Variants in ACYP1 observed in about 807,000 individuals in gnomAD.
ACYP1 encodes acylphosphatase-1.
In ACYP1, 8 loss-of-function variants were observed where a neutral mutation model predicts 10.4. That is an observed-to-expected ratio of 0.77 (90% CI 0.45 to 1.38). The LOEUF (loss-of-function observed/expected upper bound fraction) is 1.38. Ranked by LOEUF, ACYP1 falls within the 40% of genes most tolerant of loss-of-function variation. ACYP1 has a pLI of 0.00. For missense variants in ACYP1, 93 were observed against 117.3 expected (o/e 0.79, Z 0.96); for synonymous variants, 38 against 40.8 (o/e 0.93, Z 0.26).
chr14:75,057,988 A>AAAAAAAAC (rs59726466), intron 2 of ACYP1, among the ~76,000 whole-genome samples: 1 of 147,118 alleles, frequency 6.8e-6, no homozygotes, highest in African/African-American at 2.5e-5. Flanking sequence ...AAAAAAAAAA[A>AAAAAAAAC]GAACTACCTG....
intron 1 of ACYP1, among the ~76,000 whole-genome samples, 182 bp from the exon 2 acceptor site, chr14:75,063,743 G>C (rs1414376893): frequency 6.6e-6 from 1 of 152,154 alleles, no homozygotes; most frequent in Non-Finnish European, 1.5e-5. Context: ...GGAAGAACCA[G>C]ACGCCGGGAG....
upstream of ACYP1, chr14:75,064,084 C>A: frequency 1.0e-6 from 1 of 968,830 alleles, no homozygotes; most frequent in Non-Finnish European, 1.2e-6. Flanking sequence ...TCATGCCCAT[C>A]ACCTCCAGCT....
intron 2 of ACYP1, among the ~76,000 whole-genome samples, chr14:75,059,496 T>C (rs1892966602): frequency 6.6e-6 from 1 of 152,198 alleles, no homozygotes; most frequent in Non-Finnish European, 1.5e-5. Flanking sequence ...TCACAGACAC[T>C]ATCAAGAAAT....
intron 2 of ACYP1, chr14:75,060,407 T>G (rs1421087523): frequency 3.9e-6 from 2 of 515,748 alleles, no homozygotes; most frequent in Non-Finnish European, 6.8e-6. Context: ...ATGGTATAGC[T>G]ACTTTGGAAA....
At chr14:75,057,735 G>A (rs980641428) in intron 2 of ACYP1, among the ~76,000 whole-genome samples, 2 of 150,796 alleles carry the variant, frequency 1.3e-5, no homozygotes, top group African/African-American at 2.5e-5. Context: ...TTGGGAGGCC[G>A]AGGTGGGGGG....
At chr14:75,054,443 CTG>C (rs1195414405) in intron 2 of ACYP1, among the ~76,000 whole-genome samples, 2 of 151,530 alleles carry the variant, frequency 1.3e-5, no homozygotes, top group African/African-American at 2.4e-5. Context: ...TTTTATTAAA[CTG>C]TGGCAAGACT....
chr14:75,058,615 T>C (rs1186973311), intron 2 of ACYP1, among the ~76,000 whole-genome samples: 1 of 151,180 alleles, frequency 6.6e-6, no homozygotes, highest in Non-Finnish European at 1.5e-5. Flanking sequence ...GGGGATCAAA[T>C]TTCAACATGA....
rs1304856931 is a variant in ACYP1, at chr14:75,053,651, A to C, written c.93T>G (p.Gly31=). 6.2e-7 allele frequency: 1 copy of C among 1,613,930 alleles called. No individual in the cohort carries two copies. Among genetic ancestry groups the C allele is most frequent in the African/African-American group, 1.3e-5 (1 of 74,872 alleles). ...CCCAGCCTACCAATCCCAGCTTTTTACCCTCAGCCTAAGGGGGGTAAAAAG... is the reference window on the plus strand; with the variant it reads ...CCCAGCCTACCAATCCCAGCTTTTTCCCCTCAGCCTAAGGGGGGTAAAAAG... The part of the protein sequence containing the change: ...VFFRKHTQAE[G]KKLGLVGWVQ... Residue 31 remains glycine, a synonymous_variant, in exon 3 of 3, where the codon GGT becomes GGG. Coordinates refer to ENST00000238618, the MANE Select transcript of ACYP1 (RefSeq NM_001107.5).
chr14:75,061,564 G>A (rs1893016308), intron 2 of ACYP1: 1 of 486,004 alleles, frequency 2.1e-6, no homozygotes, highest in Non-Finnish European at 3.5e-6. Context: ...CTTTAAACTG[G>A]GGAGAGGGGC....
At chr14:75,067,410 G>GA (rs1202622367), upstream of ACYP1, among the ~76,000 whole-genome samples, 1 of 152,138 alleles carries the variant, frequency 6.6e-6, no homozygotes, top group Non-Finnish European at 1.5e-5. Flanking sequence ...TGAGTAGGCT[G>GA]AAAAAATGAA....
At chr14:75,063,852 A>G in intron 1 of ACYP1, 102 bp downstream of exon 1, 1 of 871,018 alleles carries the variant, frequency 1.1e-6, no homozygotes, top group East Asian at 6.2e-5. Flanking sequence ...CCGCTCCCTC[A>G]CTACCAGAAT....
At chr14:75,054,238 C>CTGGATTTCCTACCTCACATCA (rs1265385915) in intron 2 of ACYP1, among the ~76,000 whole-genome samples, 2 of 151,912 alleles carry the variant, frequency 1.3e-5, no homozygotes, top group African/African-American at 4.9e-5. Context: ...TATGTTGTAG[C>CTGGATTTCCTACCTCACATCA]CAAAGCCCAC....
upstream of ACYP1, among the ~76,000 whole-genome samples, chr14:75,065,709 T>A (rs1234354959): frequency 6.6e-6 from 1 of 151,792 alleles, no homozygotes; most frequent in Non-Finnish European, 1.5e-5. Context: ...GAAAATCCAT[T>A]GAGAGCTCAT....
chr14:75,060,076 A>T (rs1378091003), intron 2 of ACYP1: 1 of 474,984 alleles, frequency 2.1e-6, no homozygotes, highest in Non-Finnish European at 3.7e-6. Context: ...TTGTACATTT[A>T]AAAATGGTTA....
chr14:75,064,856 G>A (rs913880571), upstream of ACYP1, among the ~76,000 whole-genome samples: 1 of 152,178 alleles, frequency 6.6e-6, no homozygotes, highest in Non-Finnish European at 1.5e-5. Flanking sequence ...ATCTGGAATA[G>A]GGGATTACGG....
chr14:75,066,337 C>T (rs556306750), upstream of ACYP1, among the ~76,000 whole-genome samples: 80 of 151,870 alleles, frequency 5.3e-4, no homozygotes, highest in Non-Finnish European at 8.8e-5. Flanking sequence ...TTGTACACTG[C>T]AAATATAGAT....
chr14:75,065,231 C>G (rs574679846), upstream of ACYP1, among the ~76,000 whole-genome samples: 28 of 152,326 alleles, frequency 1.8e-4, no homozygotes, highest in African/African-American at 6.7e-4. Context: ...TGTGGATTGA[C>G]TGTATACATT....
chr14:75,064,515 C>G (rs887453965), upstream of ACYP1: 15 of 152,232 alleles, frequency 9.9e-5, no homozygotes, highest in African/African-American at 3.6e-4. Flanking sequence ...GGGCGAATCA[C>G]TTGAGGTCAG....
At chr14:75,069,329 C>T in exon 1 of ACYP1, 8 of 1,393,584 alleles carry the variant, frequency 5.7e-6, no homozygotes, top group Non-Finnish European at 7.4e-6. Flanking sequence ...GCCAGGGCCT[C>T]CGCCCTTTGC....
Sources: allele counts gnomAD v4.1 joint callset (sites outside exome capture counted in the v4.1 genomes callset), GRCh38; gene constraint gnomAD v4.1.1; transcripts MANE v1.5; gene names NCBI Gene and HGNC (gene_info 2026-07-23, HGNC 2026-07-21).